CFAP77: variants seen among roughly 807,000 people sequenced by gnomAD.
CFAP77 encodes the protein cilia- and flagella-associated protein 77.
Under a neutral mutation model 31.1 loss-of-function variants are expected in CFAP77, and 25 were observed. The ratio of observed to expected loss-of-function variants is 0.80; its 90% CI spans 0.59 to 1.12. CFAP77 has a LOEUF of 1.12. Ranked by LOEUF, CFAP77 falls within the 50% of genes most tolerant of loss-of-function variation. The pLI is 0.00. For synonymous variants in CFAP77, 151 were observed against 159.9 expected, an observed-to-expected ratio of 0.94 and a Z score of 0.42; for missense variants, 377 against 397.3, an observed-to-expected ratio of 0.95 and a Z score of 0.44.
At chr9:132,462,973 G>A (rs1010804682) in intron 1 of CFAP77, among the ~76,000 whole-genome samples, 1 of 152,180 alleles carries the variant, frequency 6.6e-6, no homozygotes, top group Non-Finnish European at 1.5e-5. Flanking sequence ...GATGCTCCAG[G>A]ATTCATAGAT....
At chr9:132,482,170 TCTCTC>T in intron 1 of CFAP77, 1 of 596,756 alleles carries the variant, frequency 1.7e-6, no homozygotes, top group East Asian at 2.9e-5. Context: ...TTTTTCCTTT[TCTCTC>T]TTTCTTTCTT....
chr9:132,493,966 C>T (rs1851695843), intron 1 of CFAP77, among the ~76,000 whole-genome samples: 1 of 151,064 alleles, frequency 6.6e-6, no homozygotes, highest in African/African-American at 2.4e-5. Context: ...GGCTGGAGTA[C>T]AGTGGTTCAA....
At chr9:132,544,547 G>A (rs772670893) in intron 5 of CFAP77, among the ~76,000 whole-genome samples, 8 of 146,920 alleles carry the variant, frequency 5.4e-5, no homozygotes, top group East Asian at 2.0e-4. Flanking sequence ...CCAGGCTGGC[G>A]TGCAGTGGTG....
chr9:132,535,878 C>A (rs912018034), intron 3 of CFAP77, among the ~76,000 whole-genome samples: 3 of 151,960 alleles, frequency 2.0e-5, no homozygotes, highest in Non-Finnish European at 4.4e-5. Context: ...GCAAAAAAAC[C>A]ATTTTTTATG....
intron 1 of CFAP77, among the ~76,000 whole-genome samples, chr9:132,438,535 A>T (rs1850551359): frequency 1.9e-5 from 2 of 107,964 alleles, no homozygotes; most frequent in Middle Eastern, 4.0e-3. Context: ...ATATATATAT[A>T]TATATATTTT....
intron 1 of CFAP77, among the ~76,000 whole-genome samples, chr9:132,462,364 C>T (rs1383288650): frequency 6.6e-6 from 1 of 152,182 alleles, no homozygotes; most frequent in Non-Finnish European, 1.5e-5. Context: ...ACTCATTTAT[C>T]TGCCAGGCAC....
chr9:132,485,985 C>CATATATAT (rs61265124), intron 1 of CFAP77, among the ~76,000 whole-genome samples: 15 of 53,544 alleles, frequency 2.8e-4, no homozygotes, highest in South Asian at 6.8e-4. Context: ...ACACACACCT[C>CATATATAT]ATATATATAT....
chr9:132,410,472 CA>C lies in CFAP77; in HGVS notation c.195+7del. On this transcript the variant is annotated splice_region_variant and intron_variant, in intron 1 of 5. Coordinates refer to ENST00000393216, the MANE Select transcript of CFAP77 (RefSeq NM_001282957.2). ...AGAACCCTCTCATCGTCAAGGTGAG[CA>C]CCCCACGCCCACCGCGCTTTCGCTG... 6.4e-7 allele frequency: 1 copy of C among 1,558,390 alleles called. No individual in the cohort carries two copies. Among genetic ancestry groups the C allele is most frequent in the Non-Finnish European group, 8.6e-7 (1 of 1,158,042 alleles).
intron 1 of CFAP77, among the ~76,000 whole-genome samples, chr9:132,471,389 A>G (rs960341807): frequency 2.0e-5 from 3 of 151,638 alleles, no homozygotes; most frequent in African/African-American, 2.4e-5. Flanking sequence ...CCTGCCCACA[A>G]CTCTCTGGTG....
At chr9:132,418,674 T>C (rs1311938458) in intron 1 of CFAP77, among the ~76,000 whole-genome samples, 2 of 152,166 alleles carry the variant, frequency 1.3e-5, no homozygotes, top group East Asian at 3.9e-4. Flanking sequence ...TGTTGTCGTT[T>C]AAAAAAATAA....
rs1189146733 is a variant in CFAP77, at chr9:132,554,889, CATCT to C, written c.732+11850_732+11853del. ...CTGTCCATTCATTCATCTATCCAACCATCTATCTATCCATCCATCTATGCATGCA... is the reference window on the plus strand; with the variant it reads ...CTGTCCATTCATTCATCTATCCAACCATCTATCCATCCATCTATGCATGCA... On this transcript the variant is annotated intron_variant, in intron 5 of 5. Coordinates refer to ENST00000393216, the MANE Select transcript of CFAP77 (RefSeq NM_001282957.2). This position sits in a 1 kb window ranked among gnomAD's most constrained non-coding sequence, Gnocchi z 4.1. Among the ~76,000 whole-genome samples the C allele has an allele frequency of 3.3e-5, 5 of 151,922 alleles. No homozygotes were observed. The highest frequency in any genetic ancestry group is 2.1e-4 in the South Asian group (1 of 4,818).
rs149802809 is a variant in CFAP77, at chr9:132,439,475, G to C, written c.195+29009G>C. 4.5e-3 allele frequency among the ~76,000 whole-genome samples: 686 copies of C among 152,252 alleles called. 5 individuals carry two copies. The highest frequency in any genetic ancestry group is 0.015 in the African/African-American group (620 of 41,552). ...CCTGAGCCGAGAGATCCAGCTCTCT[G>C]TGGTCTGATTTAGTCTTCCTGATTC... On this transcript the variant is annotated intron_variant, in intron 1 of 5. Transcript: ENST00000393216.
At chr9:132,520,132 C>T (rs972749318) in intron 3 of CFAP77, among the ~76,000 whole-genome samples, 1 of 148,858 alleles carries the variant, frequency 6.7e-6, no homozygotes, top group African/African-American at 2.5e-5. Flanking sequence ...GGCATCATGC[C>T]CCCTCCCCTC....
chr9:132,462,820 A>T (rs541956837), intron 1 of CFAP77, among the ~76,000 whole-genome samples: 54 of 146,630 alleles, frequency 3.7e-4, no homozygotes, highest in African/African-American at 1.4e-3. Flanking sequence ...CCGTCTCAAA[A>T]TAAAAATAAA....
At chr9:132,506,136 A>T (rs1179508592) in intron 3 of CFAP77, among the ~76,000 whole-genome samples, 1 of 152,172 alleles carries the variant, frequency 6.6e-6, no homozygotes, top group Non-Finnish European at 1.5e-5. Flanking sequence ...CACCTCTAGG[A>T]TCAGGCAGCT....
In CFAP77 at chr9:132,560,171, T is replaced by C. The variant is rs143118108; in HGVS notation, c.733-12217T>C. 7.5e-3 allele frequency among the ~76,000 whole-genome samples: 1,139 copies of C among 152,300 alleles called. 8 individuals are homozygous for C. The highest frequency in any genetic ancestry group is 0.012 in the Non-Finnish European group (794 of 68,018). ...TTATGGTATGTGAATTATATCTCAA[T>C]AAAGCTGTTTTTAAAAAGAGTCACT... is the stretch of plus-strand genomic sequence containing the variant. On this transcript the variant is annotated intron_variant, in intron 5 of 5. Coordinates refer to ENST00000393216, the MANE Select transcript of CFAP77 (RefSeq NM_001282957.2).
At chr9:132,472,508 A>G (rs1851277517) in intron 1 of CFAP77, among the ~76,000 whole-genome samples, 1 of 152,158 alleles carries the variant, frequency 6.6e-6, no homozygotes, top group Admixed American at 6.5e-5. Flanking sequence ...TGTAATCCCA[A>G]TGCTTTGAGA....
intron 3 of CFAP77, among the ~76,000 whole-genome samples, chr9:132,514,163 A>G (rs1453755854): frequency 1.3e-5 from 2 of 151,628 alleles, no homozygotes; most frequent in Non-Finnish European, 2.9e-5. Context: ...CACGGGTGAC[A>G]GTGAGGAGAC....
At chr9:132,435,884 C>T (rs891778895) in intron 1 of CFAP77, among the ~76,000 whole-genome samples, 60 of 152,280 alleles carry the variant, frequency 3.9e-4, no homozygotes, top group African/African-American at 1.4e-3. Context: ...GTGAAAGAAA[C>T]ACAGGGCTTA....
Sources: allele counts gnomAD v4.1 joint callset (sites outside exome capture counted in the v4.1 genomes callset), GRCh38; gene constraint gnomAD v4.1.1; non-coding constraint Gnocchi (gnomAD v3.1); transcripts MANE v1.5; gene names NCBI Gene and HGNC (gene_info 2026-07-23, HGNC 2026-07-21).